The following DPP9 variants were observed in gnomAD, a reference collection of about 807,000 sequenced individuals.
DPP9 encodes the protein dipeptidyl peptidase 9, also known as dipeptidyl peptidase IV-related protein-2.
Under a neutral mutation model 110.7 loss-of-function variants are expected in DPP9, and 50 were observed. The observed-to-expected ratio is 0.45, with a 90% confidence interval of 0.36 to 0.57. The LOEUF (loss-of-function observed/expected upper bound fraction) is 0.57, where lower values mean the gene tolerates loss of function less well. Ranked by LOEUF, DPP9 falls within the 20% of genes least tolerant of loss-of-function variation. DPP9 has a pLI of 0.00. For missense variants in DPP9, 1,022 were observed against 1,217.9 expected (o/e 0.84, Z 2.39); for synonymous variants, 561 against 514.4 (o/e 1.09, Z -1.23).
At position 4,714,267 on chromosome 19, in the gene DPP9, C is replaced by A; in HGVS notation, c.127G>T (p.Ala43Ser). The change falls in exon 4 of 22, where the codon GCA (alanine) becomes TCA (serine). Residue 43 changes from alanine (A) to serine (S), a missense_variant. By Grantham distance (99) the Ala-to-Ser change is moderately conservative. This residue lies in a region of DPP9 where 810 missense variants were observed against 920.6 expected (regional missense o/e 0.88). Transcript: ENST00000262960. Reference sequence around the variant, plus strand: ...GCGGCCGGGTCATCTGTGGCGGCTGCGTCGCCTCGGTCGGCCGTTGGGGTC... The same window carrying A: ...GCGGCCGGGTCATCTGTGGCGGCTGAGTCGCCTCGGTCGGCCGTTGGGGTC... ...TGTPTADRGD[A>S]AATDDPAARF... The A allele has an allele frequency of 6.4e-7, 1 of 1,566,144 alleles. No homozygotes were observed. The highest frequency in any genetic ancestry group is 8.6e-7 in the Non-Finnish European group (1 of 1,157,858).
At chr19:4,720,474 C>T (rs962943733) in intron 2 of DPP9, among the ~76,000 whole-genome samples, 3 of 152,246 alleles carry the variant, frequency 2.0e-5, no homozygotes, top group African/African-American at 7.2e-5. Context: ...CTGATACCAC[C>T]TCTTCAGAGG....
rs1325550019 is a variant in DPP9 at position 4,702,706 on chromosome 19, A to T, written c.780T>A (p.Asn260Lys). 2 of 1,587,168 alleles carry T rather than the reference A, an allele frequency of 1.3e-6. No homozygotes were observed. The highest frequency in any genetic ancestry group is 4.6e-5 in the East Asian group (2 of 43,580). The change falls in exon 8 of 22, where the codon AAT becomes AAA. Residue 260 changes from asparagine to lysine, a missense_variant. By Grantham distance (94) the Asn-to-Lys change is moderately conservative. Transcript: ENST00000262960. The stretch of plus-strand genomic sequence containing the variant: ...CCGCAGACTTGGGGTCATCCAGGAC[A>T]TTGGATAAACCTAGGGGGAGGGACG... ...RLTFCHQGLS[N>K]VLDDPKSAGV...
At chr19:4,699,037 T>C (rs920350305) in intron 10 of DPP9, among the ~76,000 whole-genome samples, 10 of 151,416 alleles carry the variant, frequency 6.6e-5, no homozygotes, top group Admixed American at 5.9e-4. Flanking sequence ...TGGGTGCCTG[T>C]AGTCCCAGCT....
intron 3 of DPP9, chr19:4,719,573 G>A (rs2145997031): frequency 3.9e-6 from 2 of 510,650 alleles, no homozygotes; most frequent in East Asian, 3.4e-5. Flanking sequence ...CTCCTGGCAT[G>A]AAGTGGGTGG....
Position 4,682,783 on chromosome 19 carries a change from G to C in DPP9, c.2387C>G (p.Thr796Ser), listed in dbSNP as rs1488488335. The change falls in exon 20 of 22, where the codon ACT becomes AGT. Residue 796 changes from threonine to serine, a missense_variant. This residue lies in a region of DPP9 where 209 missense variants were observed against 280.4 expected (regional missense o/e 0.75). Transcript: ENST00000262960. The surrounding 1 kb of genome is among the most constrained non-coding windows in gnomAD (Gnocchi z 7.1). ...TVWMAYDTGY[T>S]ERYMDVPENN... Reference sequence around the variant, plus strand: ...CTCAGGGACGTCCATGTAGCGCTCAGTGTACCCTGTGTCGTAGGCCATCCA... The same window carrying C: ...CTCAGGGACGTCCATGTAGCGCTCACTGTACCCTGTGTCGTAGGCCATCCA... 6.2e-7 allele frequency: 1 copy of C among 1,601,012 alleles called. No homozygotes were observed. The highest frequency in any genetic ancestry group is 1.1e-5 in the South Asian group (1 of 88,786).
In DPP9 at chr19:4,676,193, GC is replaced by G; in HGVS notation, c.*370del. The G allele has an allele frequency of 4.2e-6, 1 of 237,302 alleles. No individual in the cohort carries two copies. The highest frequency in any genetic ancestry group is 8.3e-6 in the Non-Finnish European group (1 of 121,108). 14.7% of individuals were successfully genotyped at this position (237,302 alleles called of 1,614,324 possible). A position where few individuals can be genotyped will look rare whatever the true frequency, so the allele number is the denominator to read the frequency against. On this transcript the variant is annotated 3_prime_UTR_variant, in exon 22 of 22. Coordinates refer to ENST00000262960, the MANE Select transcript of DPP9 (RefSeq NM_139159.5). The surrounding 1 kb of genome is among the most constrained non-coding windows in gnomAD (Gnocchi z 4.0). ...GGTGCTGGGGACGGTGGCTGGCCGG[GC>G]CAGGGGACTGAGAGGTCACAGGGAG...
chr19:4,688,556 G>A (rs893882144), intron 16 of DPP9: 8 of 653,420 alleles, frequency 1.2e-5, no homozygotes, highest in African/African-American at 1.1e-4. Context: ...ACTGCAGCTC[G>A]AACCCAGGAC....
rs2090372904 is a variant in DPP9, at chr19:4,684,343, T to C, written c.2178+320A>G. ...CAGCCTCCAGAACTGTGAGAGATTT[T>C]CGTTCTTTATAAATCCCCAGGCTGT... On this transcript the variant is annotated intron_variant, in intron 18 of 21. Coordinates refer to ENST00000262960, the MANE Select transcript of DPP9 (RefSeq NM_139159.5). The surrounding 1 kb of genome is among the most constrained non-coding windows in gnomAD (Gnocchi z 4.8). The C allele has an allele frequency of 5.6e-6, 2 of 354,638 alleles. No individual in the cohort carries two copies. Among genetic ancestry groups the C allele is most frequent in the South Asian group, 6.0e-5 (2 of 33,362 alleles). 22.0% of individuals were successfully genotyped at this position (354,638 alleles called of 1,614,324 possible).
rs1164141819 is a variant in DPP9 at position 4,700,590 on chromosome 19, G to C, written c.1013-313C>G. 6.6e-6 allele frequency among the ~76,000 whole-genome samples: 1 copy of C among 152,202 alleles called. No homozygotes were observed. Among genetic ancestry groups the C allele is most frequent in the African/African-American group, 2.4e-5 (1 of 41,458 alleles). On this transcript the variant is annotated intron_variant, in intron 9 of 21. Coordinates refer to ENST00000262960, the MANE Select transcript of DPP9 (RefSeq NM_139159.5). This position sits in a 1 kb window ranked among gnomAD's most constrained non-coding sequence, Gnocchi z 4.3. ...CTGAGAGCTGGGGCTTGTAGGGGCCGCAGATACCAGGAAGATGCCATCCCT... is the reference window on the plus strand; with the variant it reads ...CTGAGAGCTGGGGCTTGTAGGGGCCCCAGATACCAGGAAGATGCCATCCCT...
At position 4,679,756 on chromosome 19, in the gene DPP9, C is replaced by A. The variant is rs1429342057; in HGVS notation, c.2586+79G>T. ...GGGAGCCCCTGGTCACAGTGGGAAG[C>A]CACCCCGCCTCGTCCCACCCCCCAC... On this transcript the variant is annotated intron_variant, in intron 21 of 21. Coordinates refer to ENST00000262960, the MANE Select transcript of DPP9 (RefSeq NM_139159.5). The A allele has an allele frequency of 3.5e-6, 4 of 1,138,528 alleles. No homozygotes were observed. The African/African-American group carries it at 6.2e-5, about 18-fold the overall frequency. 70.5% of individuals were successfully genotyped at this position (1,138,528 alleles called of 1,614,324 possible).
chr19:4,702,186 G>A (rs771803919), intron 8 of DPP9, 31 bp from the exon 9 acceptor site: 1 of 1,591,646 alleles, frequency 6.3e-7, no homozygotes, highest in South Asian at 1.1e-5. Flanking sequence ...AACTGCTGAG[G>A]GTGCCAGAGG....
At chr19:4,714,450 C>T (rs1319967105) in intron 3 of DPP9, 113 bp from the exon 4 acceptor site, 22 of 1,355,202 alleles carry the variant, frequency 1.6e-5, no homozygotes, top group South Asian at 9.2e-5. Context: ...CCACCCCTGC[C>T]GCTTTCCCCA....
Position 4,682,985 on chromosome 19 carries a change from C to A in DPP9, c.2332-147G>T. On this transcript the variant is annotated intron_variant, in intron 19 of 21. Coordinates refer to ENST00000262960, the MANE Select transcript of DPP9 (RefSeq NM_139159.5). This position sits in a 1 kb window ranked among gnomAD's most constrained non-coding sequence, Gnocchi z 7.1. ...ATGGGGCCGGCAAGGAAGGGGCCCTCAGACCGCGTGGCCCCCGTGGACGGT... is the reference window on the plus strand; with the variant it reads ...ATGGGGCCGGCAAGGAAGGGGCCCTAAGACCGCGTGGCCCCCGTGGACGGT... 6.5e-7 allele frequency: 1 copy of A among 1,531,776 alleles called. No individual in the cohort carries two copies. The allele number at this position is 1,531,776 out of a possible 1,614,324, so 94.9% of individuals were successfully genotyped here.
chr19:4,715,018 A>ATT (rs2093011675), intron 3 of DPP9, among the ~76,000 whole-genome samples: 8 of 78,136 alleles, frequency 1.0e-4, no homozygotes, highest in Admixed American at 1.9e-4. Context: ...ATATATATAT[A>ATT]CTTTTTTTTT....
At chr19:4,688,339 G>A (rs756057957) in intron 16 of DPP9, 7 of 171,734 alleles carry the variant, frequency 4.1e-5, no homozygotes, top group Non-Finnish European at 6.1e-5. Flanking sequence ...AAACTCCTAC[G>A]TGCAAGCAAT....
chr19:4,681,539 A>G (rs1037088697), intron 20 of DPP9, among the ~76,000 whole-genome samples: 3 of 146,584 alleles, frequency 2.0e-5, no homozygotes, highest in East Asian at 2.0e-4. Context: ...CTGGTCTTGA[A>G]CTCCTGAAGC....
chr19:4,691,981 T>C (rs1362422486), intron 13 of DPP9, among the ~76,000 whole-genome samples: 1 of 151,866 alleles, frequency 6.6e-6, no homozygotes, highest in Non-Finnish European at 1.5e-5. Context: ...CCTGGCCGAC[T>C]TTTTTTGTGG....
At position 4,693,553 on chromosome 19, in the gene DPP9, C is replaced by G. The variant is rs1321977782; in HGVS notation, c.1516+1108G>C. 6.6e-6 allele frequency among the ~76,000 whole-genome samples: 1 copy of G among 152,186 alleles called. No individual in the cohort carries two copies. Among genetic ancestry groups the G allele is most frequent in the Non-Finnish European group, 1.5e-5 (1 of 68,016 alleles). On this transcript the variant is annotated intron_variant, in intron 13 of 21. Coordinates refer to ENST00000262960, the MANE Select transcript of DPP9 (RefSeq NM_139159.5). The surrounding 1 kb of genome is among the most constrained non-coding windows in gnomAD (Gnocchi z 5.0). ...GGCATCCATGCCGCCTCCCTCCTCT[C>G]TGATCCCCCACCCTTTCCACTGCAA... is the stretch of plus-strand genomic sequence containing the variant.
intron 2 of DPP9, chr19:4,722,188 T>TA (rs1364658672): frequency 5.7e-6 from 2 of 348,830 alleles, no homozygotes; most frequent in Admixed American, 4.5e-5. Flanking sequence ...CCACACCATT[T>TA]ACTGACCGGG....
Sources: gnomAD v4.1 joint callset for allele counts (sites outside exome capture counted in the v4.1 genomes callset) on GRCh38, gnomAD v4.1.1 for gene constraint, gnomAD v4.1.1 regional missense constraint, Gnocchi (gnomAD v3.1) non-coding constraint, MANE v1.5 for transcripts, NCBI Gene and HGNC (gene_info 2026-07-23, HGNC 2026-07-21) for gene names.